PLPP1: variants seen among roughly 807,000 people sequenced by gnomAD.
PLPP1 encodes the protein phospholipid phosphatase 1, also known as lipid phosphate phosphohydrolase 1a.
PLPP1 carries 24 observed loss-of-function variants against 31.2 expected under a neutral mutation model. The observed-to-expected ratio is 0.77, with a 90% CI of 0.56 to 1.08. The LOEUF (loss-of-function observed/expected upper bound fraction) is 1.08. Ranked by LOEUF, PLPP1 falls within the 50% of genes least tolerant of loss-of-function variation. The probability of loss-of-function intolerance (pLI) is 0.00; values close to 1 mark genes in which losing one functional copy is unlikely to be tolerated. For missense variants in PLPP1, 319 were observed against 342.7 expected (o/e 0.93, Z 0.55); for synonymous variants, 146 against 126.3 (o/e 1.16, Z -1.05).
intron 1 of PLPP1, among the ~76,000 whole-genome samples, chr5:55,522,007 T>C (rs1325358985): frequency 6.6e-6 from 1 of 152,214 alleles, no homozygotes; most frequent in East Asian, 1.9e-4. Flanking sequence ...CGTGACAAGC[T>C]GCCAATTAAC....
intron 1 of PLPP1, among the ~76,000 whole-genome samples, chr5:55,486,273 T>C (rs1752772758): frequency 6.6e-6 from 1 of 152,156 alleles, no homozygotes; most frequent in Non-Finnish European, 1.5e-5. Flanking sequence ...TAGTCATCTG[T>C]TTTTCACTAA....
chr5:55,530,791 C>T, intron 1 of PLPP1: 2 of 1,501,050 alleles, frequency 1.3e-6, no homozygotes, highest in South Asian at 1.1e-5. Flanking sequence ...AACGTGCTGA[C>T]AGGGCGCGGT....
intron 1 of PLPP1, among the ~76,000 whole-genome samples, chr5:55,521,368 T>C (rs1753663756): frequency 1.6e-5 from 2 of 126,580 alleles, no homozygotes; most frequent in Admixed American, 1.6e-4. Context: ...AAAAAAAAAA[T>C]TGGCCAGGCA....
At chr5:55,513,203 G>C (rs1488273312) in intron 1 of PLPP1, among the ~76,000 whole-genome samples, 1 of 151,200 alleles carries the variant, frequency 6.6e-6, no homozygotes, top group Non-Finnish European at 1.5e-5. Context: ...CTATTTCATA[G>C]TAAGGCCCAT....
intron 1 of PLPP1, among the ~76,000 whole-genome samples, chr5:55,533,570 C>T (rs6878401): frequency 0.88 from 133,364 of 152,136 alleles, 58,581 homozygotes; most frequent in South Asian, 0.92. Flanking sequence ...GAAACCATTA[C>T]GCAGACTTCC....
At chr5:55,534,382 G>T (rs547105006) in intron 1 of PLPP1, among the ~76,000 whole-genome samples, 190 bp downstream of exon 1, 1 of 152,236 alleles carries the variant, frequency 6.6e-6, no homozygotes, top group Non-Finnish European at 1.5e-5. Context: ...GCGACAGACA[G>T]CGGCGGGCAC....
At chr5:55,447,774 C>T (rs1055745252) in intron 3 of PLPP1, among the ~76,000 whole-genome samples, 3 of 152,188 alleles carry the variant, frequency 2.0e-5, no homozygotes, top group Non-Finnish European at 4.4e-5. Flanking sequence ...TAGACTTAAT[C>T]CATGAAGAAA....
At chr5:55,504,814 CTT>C (rs1170388009) in intron 1 of PLPP1, among the ~76,000 whole-genome samples, 117 of 137,976 alleles carry the variant, frequency 8.5e-4, no homozygotes, top group African/African-American at 2.5e-3. Flanking sequence ...CCTAACTTTC[CTT>C]TTTTTTTTTT....
intron 1 of PLPP1, among the ~76,000 whole-genome samples, chr5:55,483,438 G>C (rs969038109): frequency 1.3e-5 from 2 of 152,060 alleles, no homozygotes; most frequent in Admixed American, 6.5e-5. Flanking sequence ...TGGGGAGGCT[G>C]AGGTGGGCAG....
At chr5:55,491,053 G>C in intron 1 of PLPP1, 1 of 1,613,776 alleles carries the variant, frequency 6.2e-7, no homozygotes. Flanking sequence ...TGTCTTTACA[G>C]AAAAAGCCTC....
At chr5:55,462,296 C>A (rs1270176763) in intron 3 of PLPP1, among the ~76,000 whole-genome samples, 3 of 152,194 alleles carry the variant, frequency 2.0e-5, no homozygotes, top group Non-Finnish European at 4.4e-5. Flanking sequence ...GAGAGGCATA[C>A]AGAGCAATGA....
intron 1 of PLPP1, among the ~76,000 whole-genome samples, chr5:55,479,538 A>G (rs1006994248): frequency 6.6e-6 from 1 of 152,220 alleles, no homozygotes; most frequent in Non-Finnish European, 1.5e-5. Flanking sequence ...CAAGGTGGCA[A>G]ACAACACTGA....
chr5:55,468,821 A>C (rs901747517), intron 2 of PLPP1, among the ~76,000 whole-genome samples: 1 of 152,140 alleles, frequency 6.6e-6, no homozygotes, highest in Admixed American at 6.6e-5. Context: ...AAATAAATAC[A>C]TACATACATA....
In PLPP1 at chr5:55,467,734, A is replaced by C. The variant is rs1223912910; in HGVS notation, c.491+135T>G. 1.7e-5 allele frequency: 17 copies of C among 976,666 alleles called. No homozygotes were observed. In the East Asian group the frequency reaches 3.7e-4, roughly 21 times the overall value. 60.5% of individuals were successfully genotyped at this position (976,666 alleles called of 1,614,324 possible). The stretch of plus-strand genomic sequence containing the variant: ...AAGGCATGATGAGAGAGAACAATTC[A>C]TACAAGATCAAAATTCACCTCCCAG... On this transcript the variant is annotated intron_variant, in intron 3 of 5. Coordinates refer to ENST00000307259, the MANE Select transcript of PLPP1 (RefSeq NM_003711.4).
intron 1 of PLPP1, among the ~76,000 whole-genome samples, chr5:55,480,138 G>A (rs967238211): frequency 6.6e-6 from 1 of 152,016 alleles, no homozygotes; most frequent in Non-Finnish European, 1.5e-5. Context: ...CCCTTTCTTC[G>A]TTTATCAAAT....
chr5:55,459,656 TC>T (rs1373683271), intron 3 of PLPP1, among the ~76,000 whole-genome samples: 1 of 152,088 alleles, frequency 6.6e-6, no homozygotes, highest in Non-Finnish European at 1.5e-5. Context: ...AAATGCAAAA[TC>T]CCCTACATAA....
chr5:55,510,099 A>T (rs1346224731), intron 1 of PLPP1, among the ~76,000 whole-genome samples: 2 of 152,136 alleles, frequency 1.3e-5, no homozygotes, highest in African/African-American at 4.8e-5. Flanking sequence ...GCTATAACTT[A>T]ATAACTTCTT....
At chr5:55,449,182 C>T (rs1448149941) in intron 3 of PLPP1, among the ~76,000 whole-genome samples, 1 of 152,066 alleles carries the variant, frequency 6.6e-6, no homozygotes, top group African/African-American at 2.4e-5. Context: ...TTATTTAATC[C>T]ACACAAACTA....
intron 1 of PLPP1, among the ~76,000 whole-genome samples, chr5:55,487,798 C>G (rs564130053): frequency 1.9e-4 from 29 of 152,086 alleles, no homozygotes; most frequent in Non-Finnish European, 3.4e-4. Context: ...ATTTAAGGCC[C>G]AGAAACTGGC....
Sources: allele counts gnomAD v4.1 joint callset (sites outside exome capture counted in the v4.1 genomes callset), GRCh38; gene constraint gnomAD v4.1.1; transcripts MANE v1.5; gene names NCBI Gene and HGNC (gene_info 2026-07-23, HGNC 2026-07-21).